The following GPRIN2 variants were observed in gnomAD, a reference collection of about 807,000 sequenced individuals.
GPRIN2 encodes G protein-regulated inducer of neurite outgrowth 2.
Under a neutral mutation model 0.3 loss-of-function variants are expected in GPRIN2, and 1 was observed. That is an observed-to-expected ratio of 3.90 (90% CI 1.39 to 18.51). The LOEUF is 18.51. Among genes scored for constraint, GPRIN2 ranks in the 30% most tolerant of loss-of-function variants. The pLI, the probability that GPRIN2 is intolerant of heterozygous loss-of-function variation, is 0.11. For missense variants in GPRIN2, 880 were observed against 604.2 expected (o/e 1.46, Z -4.79); for synonymous variants, 361 against 258.6 (o/e 1.40, Z -3.80).
At chr10:46,556,939 G>A (rs1377401474), upstream of GPRIN2, among the ~76,000 whole-genome samples, 3 of 151,130 alleles carry the variant, frequency 2.0e-5, no homozygotes, top group Admixed American at 6.6e-5. Flanking sequence ...CCACCGTCCC[G>A]GGTGTATAGG....
chr10:46,549,884 C>G lies in GPRIN2; in HGVS notation c.853G>C (p.Gly285Arg), dbSNP rs1832562739. 6.2e-7 allele frequency: 1 copy of G among 1,614,280 alleles called. No homozygotes were observed. Among genetic ancestry groups the G allele is most frequent in the South Asian group, 1.1e-5 (1 of 91,090 alleles). Reference sequence around the variant, plus strand: ...CAGCAATGGGAATGCCCAGGGAGCCCCCCAGACAACCTACAGTGGATCTTC... The same window carrying G: ...CAGCAATGGGAATGCCCAGGGAGCCGCCCAGACAACCTACAGTGGATCTTC... ...GVKIHCRLSG[G>R]LPGHSHCCAH... The change falls in exon 3 of 3, where the codon GGG becomes CGG. Residue 285 changes from glycine to arginine, a missense_variant. Physicochemically the swap from Gly to Arg is moderately radical, Grantham distance 125. Transcript: ENST00000374314.
In GPRIN2 at chr10:46,550,749, A is replaced by C. The variant is rs1832255987; in HGVS notation, c.-6-7T>G. On this transcript the variant is annotated splice_polypyrimidine_tract_variant and splice_region_variant and intron_variant, in intron 2 of 2. Coordinates refer to ENST00000374314, the MANE Select transcript of GPRIN2 (RefSeq NM_001385282.1). ...GGCTGGAGCTCATGGCTGCCTGCAG[A>C]AGAGAGAAAGGGAGGGAGTGGAGTT... is the stretch of plus-strand genomic sequence containing the variant. 1.9e-4 allele frequency: 283 copies of C among 1,500,746 alleles called. No homozygotes were observed. Among genetic ancestry groups the C allele is most frequent in the Non-Finnish European group, 2.4e-4 (269 of 1,126,594 alleles). The allele number at this position is 1,500,746 out of a possible 1,614,324, so 93.0% of individuals were successfully genotyped here.
chr10:46,553,999 T>A (rs1842897206), intron 2 of GPRIN2, among the ~76,000 whole-genome samples: 1 of 152,306 alleles, frequency 6.6e-6, no homozygotes, highest in Non-Finnish European at 1.5e-5. Flanking sequence ...CAATGGGGGC[T>A]CTTCCCCTTC....
intron 2 of GPRIN2, among the ~76,000 whole-genome samples, chr10:46,552,138 A>G (rs1467127759): frequency 6.6e-6 from 1 of 152,308 alleles, no homozygotes; most frequent in African/African-American, 2.4e-5. Context: ...GGCTTCCTGG[A>G]GGACCAGCCA....
rs1423134047 is a variant in GPRIN2 at position 46,548,389 on chromosome 10, C to T, written c.*971G>A. Among the ~76,000 whole-genome samples, 3 of 152,304 alleles carry T rather than the reference C, an allele frequency of 2.0e-5. No homozygotes were observed. Among genetic ancestry groups the T allele is most frequent in the African/African-American group, 4.8e-5 (2 of 41,488 alleles). On this transcript the variant is annotated 3_prime_UTR_variant, in exon 3 of 3. Transcript: ENST00000374314. ...TGCCCTGTCCCCCTCCATTCCTGCC[C>T]TCCCTCCTTCCACAAACTGCACCAG... is the stretch of plus-strand genomic sequence containing the variant.
At chr10:46,553,841 C>T (rs1276526449) in intron 2 of GPRIN2, among the ~76,000 whole-genome samples, 4 of 152,308 alleles carry the variant, frequency 2.6e-5, no homozygotes, top group African/African-American at 9.6e-5. Context: ...ACAACCTGGC[C>T]TTCCCAGCTC....
rs1841839562 is a variant in GPRIN2 at position 46,542,545 on chromosome 10, G to A, written c.*6815C>T. 6.6e-6 allele frequency among the ~76,000 whole-genome samples: 1 copy of A among 152,310 alleles called. No homozygotes were observed. ...GTGCCTTGCTTCTCCTTCGCTGTCT[G>A]CCATGATTGTAAGTTTCCTGAGGCT... On this transcript the variant is annotated 3_prime_UTR_variant, in exon 3 of 3. Transcript: ENST00000374314.
In GPRIN2 at chr10:46,550,198, T is replaced by A. The variant is rs1832451707; in HGVS notation, c.539A>T (p.Asp180Val). ...AGLERDLAPE[D>V]ETSNSAWMLG... ...CATCCAGGCTGAGTTAGAAGTCTCA[T>A]CCTCAGGAGCCAGGTCCCTTTCCAG... Residue 180 changes from aspartate to valine, a missense_variant, in exon 3 of 3, where the codon GAT (aspartate) becomes GTT (valine). Asp to Val is a radical substitution (Grantham distance 152, BLOSUM62 -3). Coordinates refer to ENST00000374314, the MANE Select transcript of GPRIN2 (RefSeq NM_001385282.1). 3.7e-6 allele frequency: 6 copies of A among 1,600,616 alleles called. No individual in the cohort carries two copies. Among genetic ancestry groups the A allele is most frequent in the East Asian group, 4.5e-5 (2 of 44,650 alleles).
rs1588950630 is a variant in GPRIN2 at position 46,544,404 on chromosome 10, A to G, written c.*4956T>C. Among the ~76,000 whole-genome samples the G allele has an allele frequency of 1.3e-5, 2 of 152,306 alleles. No individual in the cohort carries two copies. Among genetic ancestry groups the G allele is most frequent in the Non-Finnish European group, 2.9e-5 (2 of 68,054 alleles). The stretch of plus-strand genomic sequence containing the variant: ...AGTGGCACTATCTCGGCTCACTGCA[A>G]CCTCCACCTCCTGGGCTCAAGCCAT... On this transcript the variant is annotated 3_prime_UTR_variant, in exon 3 of 3. Coordinates refer to ENST00000374314, the MANE Select transcript of GPRIN2 (RefSeq NM_001385282.1).
At chr10:46,551,772 C>T (rs1212075935) in intron 2 of GPRIN2, among the ~76,000 whole-genome samples, 2 of 152,308 alleles carry the variant, frequency 1.3e-5, no homozygotes, top group African/African-American at 4.8e-5. Flanking sequence ...CCAGTTCTGG[C>T]CCTTTCCACT....
intron 1 of GPRIN2, among the ~76,000 whole-genome samples, 136 bp downstream of exon 1, chr10:46,556,362 G>A (rs921751566): frequency 2.6e-5 from 4 of 152,304 alleles, no homozygotes; most frequent in African/African-American, 9.6e-5. Context: ...GGGGCTCTGG[G>A]CGCTGGGCAG....
At chr10:46,555,062 T>G (rs1313817830) in intron 1 of GPRIN2, among the ~76,000 whole-genome samples, 1 of 152,310 alleles carries the variant, frequency 6.6e-6, no homozygotes, top group African/African-American at 2.4e-5. Context: ...TTCTCTTGTC[T>G]TAGTCTCCCG....
At chr10:46,552,427 C>T (rs1842715642) in intron 2 of GPRIN2, among the ~76,000 whole-genome samples, 1 of 152,310 alleles carries the variant, frequency 6.6e-6, no homozygotes, top group Non-Finnish European at 1.5e-5. Context: ...TAAAGACTTC[C>T]AGGCAACAAC....
chr10:46,551,386 G>A, intron 2 of GPRIN2: 1 of 985,366 alleles, frequency 1.0e-6, no homozygotes, highest in Non-Finnish European at 1.2e-6. Flanking sequence ...TTGCTGAGCT[G>A]GCATGTCTCT....
chr10:46,556,795 C>CACCCCTCCTTCCCG (rs1195504692), upstream of GPRIN2, among the ~76,000 whole-genome samples: 1 of 152,274 alleles, frequency 6.6e-6, no homozygotes, highest in African/African-American at 2.4e-5. Flanking sequence ...CGCGCGCCCC[C>CACCCCTCCTTCCCG]ACCCCTCCTT....
Position 46,550,731 on chromosome 10 carries a change from G to C in GPRIN2, c.6C>G (p.Ser2Arg). ...AGGGACCCGGCTCGGGGCGGCTGGA[G>C]CTCATGGCTGCCTGCAGAAGAGAGA... M[S>R]SSRPEPGPWA... is the part of the protein sequence containing the mutation. Residue 2 changes from serine (S) to arginine (R), a missense_variant, in exon 3 of 3, where the codon AGC (serine) becomes AGG (arginine). Coordinates refer to ENST00000374314, the MANE Select transcript of GPRIN2 (RefSeq NM_001385282.1). The C allele has an allele frequency of 1.3e-6, 2 of 1,508,000 alleles. No individual in the cohort carries two copies. The highest frequency in any genetic ancestry group is 8.8e-7 in the Non-Finnish European group (1 of 1,130,652). The allele number at this position is 1,508,000 out of a possible 1,614,324, so 93.4% of individuals were successfully genotyped here.
At chr10:46,552,944 A>T (rs1842777360) in intron 2 of GPRIN2, among the ~76,000 whole-genome samples, 1 of 152,312 alleles carries the variant, frequency 6.6e-6, no homozygotes, top group South Asian at 2.1e-4. Context: ...TAAGATGGAC[A>T]TACAAACAAA....
intron 2 of GPRIN2, 70 bp from the exon 3 acceptor site, chr10:46,550,812 A>G (rs1842511698): frequency 6.9e-7 from 1 of 1,443,862 alleles, no homozygotes; most frequent in Admixed American, 2.5e-5. Context: ...TCTACTATGA[A>G]CTCCCACAGT....
chr10:46,554,281 T>C (rs1218712117), intron 2 of GPRIN2, among the ~76,000 whole-genome samples: 5 of 152,308 alleles, frequency 3.3e-5, no homozygotes, highest in African/African-American at 4.8e-5. Context: ...TAGCCTCCTC[T>C]AGCTTCCCAT....
Sources: gnomAD v4.1 joint callset for allele counts (sites outside exome capture counted in the v4.1 genomes callset) on GRCh38, gnomAD v4.1.1 for gene constraint, MANE v1.5 for transcripts, NCBI Gene and HGNC (gene_info 2026-07-23, HGNC 2026-07-21) for gene names.